RBM41: variants seen among roughly 807,000 people sequenced by gnomAD.
RBM41 encodes the protein RNA binding motif protein 41, also known as RNA-binding protein 41.
A neutral mutation model predicts 30.8 loss-of-function variants in RBM41; 14 were observed. The ratio of observed to expected loss-of-function variants is 0.45; its 90% CI spans 0.30 to 0.71. RBM41 has a LOEUF of 0.71. Ranked by LOEUF, RBM41 falls within the 30% of genes least tolerant of loss-of-function variation. The pLI is 0.08. For synonymous variants in RBM41, 120 were observed against 110.1 expected (o/e 1.09, Z -0.56); for missense variants, 276 against 326.3 (o/e 0.85, Z 1.19).
rs749377218 is a variant in RBM41 at position 107,115,840 on chromosome X, A to T, written c.318+22T>A. On this transcript the variant is annotated intron_variant, in intron 3 of 7. Coordinates refer to ENST00000685964, the MANE Select transcript of RBM41 (RefSeq NM_001324242.2). ...TTTCTTTGAGGAGAAAAACCAACAA[A>T]AAAAAACATTACCCCACTCACCTTT... The T allele has an allele frequency of 9.6e-6, 11 of 1,147,728 alleles. No individual in the cohort carries two copies. In the East Asian group the frequency reaches 3.4e-4, roughly 35 times the overall value. The allele number at this position is 1,147,728 out of a possible 1,213,427, so 94.6% of individuals were successfully genotyped here.
chrX:107,116,330 T>C (rs1488186816), intron 2 of RBM41: 1 of 807,237 alleles, frequency 1.2e-6, no homozygotes, highest in East Asian at 4.4e-5. Flanking sequence ...ATAAAAAAGA[T>C]AAAAATGGCT....
intron 6 of RBM41, among the ~76,000 whole-genome samples, chrX:107,081,593 A>G (rs920995153): frequency 5.3e-5 from 6 of 112,334 alleles, no homozygotes; most frequent in African/African-American, 1.9e-4. Context: ...CTACAAATCA[A>G]TTTGAGAAGA....
rs1204569720 is a variant in RBM41 at position 107,086,936 on chromosome X, T to C, written c.999+1500A>G. Among the ~76,000 whole-genome samples the C allele has an allele frequency of 4.5e-5, 5 of 112,101 alleles. No individual in the cohort carries two copies. In the East Asian group the frequency reaches 1.4e-3, roughly 31 times the overall value. On this transcript the variant is annotated intron_variant, in intron 6 of 7. Coordinates refer to ENST00000685964, the MANE Select transcript of RBM41 (RefSeq NM_001324242.2). ...CATTATGCATATTGAGTCAAAAAGGTTGTAGAATGATAGAGTATGTCATCT... is the reference window on the plus strand; with the variant it reads ...CATTATGCATATTGAGTCAAAAAGGCTGTAGAATGATAGAGTATGTCATCT...
chrX:107,069,209 G>T, intron 7 of RBM41, 46 bp downstream of exon 7: 6 of 1,092,869 alleles, frequency 5.5e-6, no homozygotes, highest in Non-Finnish European at 7.5e-6. Flanking sequence ...GTAATCTCTA[G>T]CGAACTGAGG....
chrX:107,069,208 A>T (rs372721321), intron 7 of RBM41, 47 bp downstream of exon 7: 99 of 1,083,552 alleles, frequency 9.1e-5, no homozygotes, highest in Non-Finnish European at 1.2e-4. Context: ...GGTAATCTCT[A>T]GCGAACTGAG....
chrX:107,074,113 G>T (rs1936156228), intron 6 of RBM41, among the ~76,000 whole-genome samples: 2 of 110,839 alleles, frequency 1.8e-5, no homozygotes, highest in African/African-American at 3.3e-5. Context: ...ATAGCTAGAA[G>T]AAGGATATTG....
intron 1 of RBM41, 121 bp from the exon 2 acceptor site, chrX:107,116,887 T>C: frequency 1.5e-6 from 1 of 664,793 alleles, no homozygotes. Flanking sequence ...TCTCCAACAA[T>C]TCATTGCCCT....
intron 5 of RBM41, among the ~76,000 whole-genome samples, chrX:107,100,470 C>T (rs1228009708): frequency 4.0e-5 from 4 of 99,454 alleles, no homozygotes; most frequent in African/African-American, 1.5e-4. Context: ...TTAGCCTGGG[C>T]GACACAGTGG....
chrX:107,054,110 G>C, the RBM41 span, among the ~76,000 whole-genome samples: 2 of 110,853 alleles, frequency 1.8e-5, no homozygotes, highest in Non-Finnish European at 3.8e-5. Context: ...ACAGTAAAGA[G>C]AAAAATATGA....
intron 5 of RBM41, among the ~76,000 whole-genome samples, chrX:107,093,089 T>C (rs1922687152): frequency 9.0e-6 from 1 of 111,340 alleles, no homozygotes; most frequent in Admixed American, 9.5e-5. Context: ...ATAAATACAC[T>C]AAAAAATAAT....
rs1315199999 is a variant in RBM41, at chrX:107,063,757, T to G, written c.*3770A>C. On this transcript the variant is annotated 3_prime_UTR_variant, in exon 8 of 8. Coordinates refer to ENST00000685964, the MANE Select transcript of RBM41 (RefSeq NM_001324242.2). ...TTCCTGGTCAGTCTAGCAGAAGGTG[T>G]GTCAGTTTTACTGATCTTTTTATAG... Among the ~76,000 whole-genome samples, 1 of 111,131 alleles carries G rather than the reference T, an allele frequency of 9.0e-6. No homozygotes were observed. Among genetic ancestry groups the G allele is most frequent in the Non-Finnish European group, 1.9e-5 (1 of 53,048 alleles).
chrX:107,073,438 G>C (rs1185212072), intron 6 of RBM41, among the ~76,000 whole-genome samples: 1 of 111,892 alleles, frequency 8.9e-6, no homozygotes, highest in Admixed American at 9.5e-5. Context: ...CCACAATGAG[G>C]CATCATCTCA....
Position 107,067,614 on chromosome X carries a change from TCCAAACTCTATCA to T in RBM41, c.1214_1226del (p.Val405GlufsTer49). On this transcript the variant is annotated frameshift_variant, in exon 8 of 8. Coordinates refer to ENST00000685964, the MANE Select transcript of RBM41 (RefSeq NM_001324242.2). LOFTEE classifies it high-confidence loss of function. ...GATTTGACCGTTGCTTTTTGTTCTTTCCAAACTCTATCACCAATATTTTCCCATGTAGTTTGTA... is the reference window on the plus strand; with the variant it reads ...GATTTGACCGTTGCTTTTTGTTCTTTCCAATATTTTCCCATGTAGTTTGTA... 1 of 1,211,112 alleles carries T rather than the reference TCCAAACTCTATCA, an allele frequency of 8.3e-7. No homozygotes were observed. Among genetic ancestry groups the T allele is most frequent in the Non-Finnish European group, 1.1e-6 (1 of 894,999 alleles).
chrX:107,118,720 T>C, intron 1 of RBM41, 46 bp downstream of exon 1: 1 of 1,208,564 alleles, frequency 8.3e-7, no homozygotes, highest in Non-Finnish European at 1.1e-6. Flanking sequence ...AAAGAAAAGG[T>C]AGAACAAAGC....
chrX:107,070,574 A>G (rs1163329492), intron 6 of RBM41: 5 of 226,143 alleles, frequency 2.2e-5, no homozygotes, highest in Non-Finnish European at 4.1e-5. Context: ...TCCTACTTAT[A>G]AAGTTGGGCA....
intron 5 of RBM41, among the ~76,000 whole-genome samples, chrX:107,101,287 G>C (rs1461756584): frequency 9.0e-6 from 1 of 111,533 alleles, no homozygotes; most frequent in Non-Finnish European, 1.9e-5. Flanking sequence ...TCACTATAAA[G>C]AGATCGTTTG....
rs191374191 is a variant in RBM41, at chrX:107,079,022, A to G, written c.999+9414T>C. Among the ~76,000 whole-genome samples the G allele has an allele frequency of 4.5e-5, 5 of 111,484 alleles. 1 individual carries two copies. The Admixed American group carries it at 4.8e-4, about 11-fold the overall frequency. ...GTATATTTCCTGCCCCAGTATTAGA[A>G]GCAGCCATTTCTCTAAGGAGCCCTG... is the stretch of plus-strand genomic sequence containing the variant. On this transcript the variant is annotated intron_variant, in intron 6 of 7. Transcript: ENST00000685964.
At chrX:107,106,238 C>G (rs1177179104) in intron 5 of RBM41, among the ~76,000 whole-genome samples, 1 of 112,264 alleles carries the variant, frequency 8.9e-6, no homozygotes, top group Non-Finnish European at 1.9e-5. Context: ...CAAAAGAAGA[C>G]ATTTATGCAG....
intron 5 of RBM41, among the ~76,000 whole-genome samples, chrX:107,108,942 T>C (rs1032092294): frequency 2.7e-5 from 3 of 111,838 alleles, no homozygotes; most frequent in African/African-American, 9.7e-5. Context: ...ATGTAATTGG[T>C]ATGACAATTA....
Sources: allele counts gnomAD v4.1 joint callset (sites outside exome capture counted in the v4.1 genomes callset), GRCh38; gene constraint gnomAD v4.1.1; transcripts MANE v1.5; gene names NCBI Gene and HGNC (gene_info 2026-07-23, HGNC 2026-07-21).